The following PTPN21 variants were observed in gnomAD, a reference collection of about 807,000 sequenced individuals.
PTPN21 encodes the protein tyrosine-protein phosphatase non-receptor type 21.
A neutral mutation model predicts 131.8 loss-of-function variants in PTPN21; 77 were observed. That is an observed-to-expected ratio of 0.58 (90% CI 0.49 to 0.71). The LOEUF (loss-of-function observed/expected upper bound fraction) is 0.71, where lower values mean the gene tolerates loss of function less well. Ranked by LOEUF, PTPN21 falls within the 30% of genes least tolerant of loss-of-function variation. PTPN21 has a pLI of 0.00. For synonymous variants in PTPN21, 715 were observed against 621.3 expected, an observed-to-expected ratio of 1.15 and a Z score of -2.24; for missense variants, 1,552 against 1,527.1, an observed-to-expected ratio of 1.02 and a Z score of -0.27.
intron 3 of PTPN21, among the ~76,000 whole-genome samples, chr14:88,516,480 G>C (rs1021908292): frequency 6.6e-6 from 1 of 152,142 alleles, no homozygotes; most frequent in African/African-American, 2.4e-5. Flanking sequence ...GCAGGCTCAA[G>C]AACTCAAATT....
intron 1 of PTPN21, among the ~76,000 whole-genome samples, chr14:88,553,165 C>G (rs900530806): frequency 6.6e-6 from 1 of 152,072 alleles, no homozygotes; most frequent in Non-Finnish European, 1.5e-5. Context: ...TTTCAATTGT[C>G]CCTCAGACTT....
At chr14:88,538,703 T>C (rs2078663015) in intron 2 of PTPN21, among the ~76,000 whole-genome samples, 1 of 152,192 alleles carries the variant, frequency 6.6e-6, no homozygotes, top group Non-Finnish European at 1.5e-5. Flanking sequence ...CCACCTGTCA[T>C]TTGTCAAAGG....
At chr14:88,534,789 G>C (rs1365906990) in intron 2 of PTPN21, among the ~76,000 whole-genome samples, 2 of 152,106 alleles carry the variant, frequency 1.3e-5, no homozygotes, top group Non-Finnish European at 2.9e-5. Flanking sequence ...CTACTTGGGA[G>C]AATGCTTGAG....
Position 88,508,157 on chromosome 14 carries a change from T to G in PTPN21, c.351-137A>C, listed in dbSNP as rs1220844943. The G allele has an allele frequency of 4.6e-3, 2,133 of 465,380 alleles. 2 individuals carry two copies. Among genetic ancestry groups the G allele is most frequent in the South Asian group, 7.2e-3 (212 of 29,646 alleles). 28.8% of individuals were successfully genotyped at this position (465,380 alleles called of 1,614,324 possible). A position where few individuals can be genotyped will look rare whatever the true frequency, so the allele number is the denominator to read the frequency against. ...TCCCACATGGTTGTGTGTGTTTTTT[T>G]TTTTTTTTTTAGATAGGGTCTCCCT... On this transcript the variant is annotated intron_variant, in intron 3 of 18. Transcript: ENST00000556564.
At chr14:88,534,960 G>A (rs1031783925) in intron 2 of PTPN21, among the ~76,000 whole-genome samples, 4 of 152,166 alleles carry the variant, frequency 2.6e-5, no homozygotes, top group Non-Finnish European at 5.9e-5. Context: ...TACTACTATA[G>A]TGCAACTTCC....
intron 10 of PTPN21, among the ~76,000 whole-genome samples, chr14:88,489,545 A>G (rs1036528656): frequency 3.9e-5 from 6 of 152,184 alleles, no homozygotes; most frequent in Admixed American, 3.9e-4. Context: ...TCAGAAGCTG[A>G]GGGCTGAGGC....
At chr14:88,538,309 A>G (rs2078658173) in intron 2 of PTPN21, among the ~76,000 whole-genome samples, 1 of 152,086 alleles carries the variant, frequency 6.6e-6, no homozygotes, top group Non-Finnish European at 1.5e-5. Context: ...AAGCCCACCA[A>G]ATTCATCTAA....
At chr14:88,532,593 T>C (rs559373918) in intron 2 of PTPN21, among the ~76,000 whole-genome samples, 54 of 152,290 alleles carry the variant, frequency 3.5e-4, no homozygotes, top group African/African-American at 1.2e-3. Flanking sequence ...AAAGAAGAAA[T>C]TTCTCCTATC....
chr14:88,501,396 C>T (rs1313568095), intron 6 of PTPN21, 28 bp from the exon 7 acceptor site: 1 of 1,577,164 alleles, frequency 6.3e-7, no homozygotes, highest in Non-Finnish European at 8.7e-7. Flanking sequence ...CAAGATTGTT[C>T]ACAAAGCAAG....
chr14:88,478,777 T>C (rs372920221), intron 13 of PTPN21, 143 bp downstream of exon 13: 3 of 470,194 alleles, frequency 6.4e-6, no homozygotes, highest in East Asian at 6.9e-5. Context: ...GTGTTCAGAA[T>C]TAGACAAAAA....
chr14:88,504,634 C>T, intron 5 of PTPN21, 139 bp from the exon 6 acceptor site: 1 of 581,162 alleles, frequency 1.7e-6, no homozygotes, highest in Non-Finnish European at 3.0e-6. Context: ...GCTTTGTTTA[C>T]ATAGGTAATC....
intron 2 of PTPN21, among the ~76,000 whole-genome samples, chr14:88,529,109 G>A (rs904810868): frequency 1.2e-4 from 18 of 152,100 alleles, no homozygotes; most frequent in African/African-American, 4.3e-4. Flanking sequence ...TGTTAGCTCT[G>A]GGTTTGTCAT....
rs985611094 is a variant in PTPN21, at chr14:88,468,994, G to A, written c.3318C>T (p.Val1106=). The change falls in exon 18 of 19, where the codon GTC becomes GTT. Residue 1106 remains valine, a synonymous_variant. Coordinates refer to ENST00000556564, the MANE Select transcript of PTPN21 (RefSeq NM_007039.4). ...DPQSPNPPLL[V]HCSAGVGRTG... ...TCCTTCCTACCCCAGCACTGCAGTG[G>A]ACCAACAACGGAGGGTTGGGGCTTT... 1 of 1,614,108 alleles carries A rather than the reference G, an allele frequency of 6.2e-7. No individual in the cohort carries two copies. The highest frequency in any genetic ancestry group is 8.5e-7 in the Non-Finnish European group (1 of 1,180,014).
At chr14:88,536,413 C>T (rs1379405689) in intron 2 of PTPN21, among the ~76,000 whole-genome samples, 1 of 152,174 alleles carries the variant, frequency 6.6e-6, no homozygotes, top group East Asian at 1.9e-4. Context: ...CTTTTCAGCA[C>T]AATATGGTTG....
chr14:88,499,613 C>T (rs1439426126), intron 8 of PTPN21, among the ~76,000 whole-genome samples: 1 of 152,046 alleles, frequency 6.6e-6, no homozygotes, highest in African/African-American at 2.4e-5. Flanking sequence ...GGTGGTAATA[C>T]CTACTGCTGA....
chr14:88,507,821 C>A, intron 4 of PTPN21, 102 bp downstream of exon 4: 1 of 612,720 alleles, frequency 1.6e-6, no homozygotes, highest in East Asian at 3.1e-5. Flanking sequence ...ATAAACACTA[C>A]TAAAGATGTA....
chr14:88,478,827 G>C lies in PTPN21; in HGVS notation c.2511+93C>G, dbSNP rs73314134. 0.01 allele frequency: 7,957 copies of C among 764,904 alleles called. 487 individuals carry two copies. The African/African-American group carries it at 0.13, about 12-fold the overall frequency. 47.4% of individuals were successfully genotyped at this position (764,904 alleles called of 1,614,324 possible). ...GGAATGAAGAACGTTAAAAGAACAA[G>C]AGGAGCTGAAAAACACGGGACGTGA... On this transcript the variant is annotated intron_variant, in intron 13 of 18. Coordinates refer to ENST00000556564, the MANE Select transcript of PTPN21 (RefSeq NM_007039.4).
At chr14:88,486,812 C>T (rs1224107113) in intron 10 of PTPN21, among the ~76,000 whole-genome samples, 2 of 151,880 alleles carry the variant, frequency 1.3e-5, no homozygotes, top group Non-Finnish European at 2.9e-5. Flanking sequence ...CTCATCTCTA[C>T]TGAAAATACA....
chr14:88,541,421 C>T (rs1296374149), intron 2 of PTPN21, among the ~76,000 whole-genome samples: 1 of 152,156 alleles, frequency 6.6e-6, no homozygotes, highest in African/African-American at 2.4e-5. Context: ...AAGAAAATGC[C>T]ATATTCACAT....
Sources: gnomAD v4.1 joint callset for allele counts (sites outside exome capture counted in the v4.1 genomes callset) on GRCh38, gnomAD v4.1.1 for gene constraint, MANE v1.5 for transcripts, NCBI Gene and HGNC (gene_info 2026-07-23, HGNC 2026-07-21) for gene names.